Variants in MGLL observed in about 807,000 individuals in gnomAD.
The protein encoded by MGLL is lysophospholipase homolog.
In MGLL, 7 loss-of-function variants were observed where a neutral mutation model predicts 29.1. That is an observed-to-expected ratio of 0.24 (90% CI 0.14 to 0.45). MGLL has a LOEUF of 0.45. MGLL is among the 20% of genes least tolerant of loss of function. The pLI is 0.99. For synonymous variants in MGLL, 148 were observed against 168.3 expected (o/e 0.88, Z 0.93); for missense variants, 356 against 413.6 (o/e 0.86, Z 1.21).
chr3:127,755,697 C>T (rs115660266), intron 3 of MGLL, among the ~76,000 whole-genome samples: 413 of 152,310 alleles, frequency 2.7e-3, no homozygotes, highest in African/African-American at 9.1e-3. Context: ...ACCAAATCTT[C>T]GCGCACCACC....
At chr3:127,701,770 C>T (rs2075494189) in intron 6 of MGLL, among the ~76,000 whole-genome samples, 1 of 152,188 alleles carries the variant, frequency 6.6e-6, no homozygotes, top group Admixed American at 6.5e-5. Context: ...TCCTCATGTG[C>T]TTGTCGTCTG....
At chr3:127,803,915 C>T (rs1032996836) in intron 2 of MGLL, among the ~76,000 whole-genome samples, 1 of 152,172 alleles carries the variant, frequency 6.6e-6, no homozygotes, top group African/African-American at 2.4e-5. Context: ...GACGGGGTGG[C>T]TCAGGGCTCT....
chr3:127,724,383 T>G (rs1400582346), intron 3 of MGLL, among the ~76,000 whole-genome samples: 2 of 152,256 alleles, frequency 1.3e-5, no homozygotes, highest in African/African-American at 4.8e-5. Context: ...TAGTCGTGTG[T>G]GTCAGAATTT....
chr3:127,811,691 C>T (rs916368451), intron 2 of MGLL, among the ~76,000 whole-genome samples: 11 of 152,246 alleles, frequency 7.2e-5, no homozygotes, highest in Non-Finnish European at 1.3e-4. Context: ...CATCTGTTCT[C>T]ATTGCTCTTG....
At chr3:127,777,486 G>A (rs751649609) in intron 3 of MGLL, among the ~76,000 whole-genome samples, 6 of 152,208 alleles carry the variant, frequency 3.9e-5, no homozygotes, top group Non-Finnish European at 7.3e-5. Flanking sequence ...AATGCAGTGG[G>A]GCTAGAGCCT....
chr3:127,717,164 G>A (rs566684553), intron 5 of MGLL, among the ~76,000 whole-genome samples: 3 of 152,324 alleles, frequency 2.0e-5, no homozygotes, highest in South Asian at 2.1e-4. Context: ...GCTAAGTTCC[G>A]GGATCCTGGG....
intron 3 of MGLL, chr3:127,736,015 G>A (rs2107648242): frequency 1.4e-6 from 2 of 1,399,390 alleles, no homozygotes; most frequent in African/African-American, 2.9e-5. Context: ...GGTTTAACAT[G>A]GAACAGACCT....
At chr3:127,734,497 C>T (rs950013691) in intron 3 of MGLL, among the ~76,000 whole-genome samples, 4 of 152,196 alleles carry the variant, frequency 2.6e-5, no homozygotes, top group Admixed American at 2.6e-4. Flanking sequence ...GACATTTCTC[C>T]TCATTTCTCA....
intron 3 of MGLL, among the ~76,000 whole-genome samples, chr3:127,767,021 C>T (rs142714120): frequency 1.4e-4 from 21 of 151,932 alleles, no homozygotes; most frequent in East Asian, 1.4e-3. Flanking sequence ...CAGGTAGGGC[C>T]GAGATTGCAC....
At chr3:127,709,373 T>G (rs2075665275) in intron 6 of MGLL, among the ~76,000 whole-genome samples, 4 of 152,204 alleles carry the variant, frequency 2.6e-5, no homozygotes, top group Admixed American at 2.6e-4. Context: ...CCTCATGGCT[T>G]GCTAGAATCT....
In MGLL at chr3:127,692,338, G is replaced by A. The variant is rs754653287; in HGVS notation, c.817-15C>T. 1.9e-6 allele frequency: 3 copies of A among 1,613,964 alleles called. No individual in the cohort carries two copies. Among genetic ancestry groups the A allele is most frequent in the Admixed American group, 1.7e-5 (1 of 60,028 alleles). The stretch of plus-strand genomic sequence containing the variant: ...CCTTCATAAATCTGCAATGAGGAGA[G>A]ACACGGAATCAGAGCTGCACCATCA... On this transcript the variant is annotated splice_polypyrimidine_tract_variant and intron_variant, in intron 7 of 7. Transcript: ENST00000265052.
intron 2 of MGLL, among the ~76,000 whole-genome samples, chr3:127,786,674 CT>C (rs1406842072): frequency 2.0e-5 from 3 of 152,250 alleles, no homozygotes; most frequent in Non-Finnish European, 4.4e-5. Flanking sequence ...CCTTTTATGC[CT>C]TTGTTTATTA....
chr3:127,735,718 G>C, intron 3 of MGLL: 1 of 1,597,782 alleles, frequency 6.3e-7, no homozygotes, highest in Non-Finnish European at 8.5e-7. Context: ...GCAAAAGGTG[G>C]GTTTCCAGCA....
At chr3:127,773,308 C>T (rs2076979140) in intron 3 of MGLL, among the ~76,000 whole-genome samples, 1 of 152,266 alleles carries the variant, frequency 6.6e-6, no homozygotes, top group South Asian at 2.1e-4. Context: ...GGCTCTGCCA[C>T]GTAGCAGCCA....
intron 3 of MGLL, among the ~76,000 whole-genome samples, chr3:127,767,287 C>A (rs1315307062): frequency 6.6e-6 from 1 of 152,156 alleles, no homozygotes; most frequent in African/African-American, 2.4e-5. Context: ...AATGGAGGCT[C>A]AGTGAGGTTA....
At chr3:127,726,153 AAAG>A (rs1253900836) in intron 3 of MGLL, among the ~76,000 whole-genome samples, 5 of 28,150 alleles carry the variant, frequency 1.8e-4, no homozygotes, top group African/African-American at 5.5e-4. Flanking sequence ...AGAAAGAAAG[AAAG>A]AAAGAAAGAA....
chr3:127,810,146 G>A (rs1487748034), intron 2 of MGLL, among the ~76,000 whole-genome samples: 1 of 152,200 alleles, frequency 6.6e-6, no homozygotes, highest in African/African-American at 2.4e-5. Context: ...AAGGCCACAC[G>A]AGGACACAGA....
At chr3:127,728,182 G>T (rs1373005707) in intron 3 of MGLL, among the ~76,000 whole-genome samples, 3 of 152,132 alleles carry the variant, frequency 2.0e-5, no homozygotes, top group African/African-American at 7.2e-5. Flanking sequence ...TTCATCCAGT[G>T]AAGTCTCACT....
chr3:127,723,518 C>A (rs2075972918), intron 3 of MGLL, among the ~76,000 whole-genome samples: 1 of 152,164 alleles, frequency 6.6e-6, no homozygotes, highest in Non-Finnish European at 1.5e-5. Context: ...TCCCGTGTTT[C>A]CCACTGGCCC....
Sources: allele counts gnomAD v4.1 joint callset (sites outside exome capture counted in the v4.1 genomes callset), GRCh38; gene constraint gnomAD v4.1.1; transcripts MANE v1.5; gene names NCBI Gene and HGNC (gene_info 2026-07-23, HGNC 2026-07-21).